Variants in NTRK2 observed in about 807,000 individuals in gnomAD.
NTRK2 encodes the protein BDNF/NT-3 growth factors receptor.
In NTRK2, 13 loss-of-function variants were observed where a neutral mutation model predicts 94.5. The ratio of observed to expected loss-of-function variants is 0.14; its 90% CI spans 0.09 to 0.22. The LOEUF (loss-of-function observed/expected upper bound fraction) is 0.22, where lower values mean the gene tolerates loss of function less well. Among genes scored for constraint, NTRK2 ranks in the 10% least tolerant of loss-of-function variants. NTRK2 has a pLI of 1.00. For missense variants in NTRK2, 639 were observed against 1,071.2 expected, an observed-to-expected ratio of 0.60 and a Z score of 5.63; for synonymous variants, 372 against 407.4, an observed-to-expected ratio of 0.91 and a Z score of 1.05.
chr9:84,829,551 C>T (rs542649814), intron 12 of NTRK2, among the ~76,000 whole-genome samples: 1 of 152,296 alleles, frequency 6.6e-6, no homozygotes, highest in Non-Finnish European at 1.5e-5. Context: ...TCCAGGCCTT[C>T]TCAGGATCTG....
Position 84,727,112 on chromosome 9 carries a change from A to G in NTRK2, c.854-542A>G, listed in dbSNP as rs77145939. On this transcript the variant is annotated intron_variant, in intron 8 of 18. Coordinates refer to ENST00000277120, the MANE Select transcript of NTRK2 (RefSeq NM_006180.6). ...TAATAAATGTTGATTTGTTATATTT[A>G]TAATAATTCATCATCAGCAGCAACA... Among the ~76,000 whole-genome samples the G allele has an allele frequency of 3.7e-3, 560 of 152,352 alleles. 1 individual carries two copies. The highest frequency in any genetic ancestry group is 0.013 in the African/African-American group (537 of 41,590).
intron 14 of NTRK2, among the ~76,000 whole-genome samples, chr9:84,917,574 G>A (rs2077432222): frequency 6.6e-6 from 1 of 152,136 alleles, no homozygotes; most frequent in Non-Finnish European, 1.5e-5. Flanking sequence ...AAGTGTTCTT[G>A]CCTAGGGAGT....
chr9:84,937,915 C>T (rs1036865029), intron 15 of NTRK2, among the ~76,000 whole-genome samples: 16 of 152,140 alleles, frequency 1.1e-4, no homozygotes, highest in African/African-American at 3.9e-4. Flanking sequence ...TTAAATATAT[C>T]CACAAGTGTG....
chr9:84,870,331 G>GTATATATATATATATATATATA (rs1158637577), intron 14 of NTRK2, among the ~76,000 whole-genome samples: 1 of 31,176 alleles, frequency 3.2e-5, no homozygotes, highest in African/African-American at 8.8e-5. Context: ...GTGTGTGTGT[G>GTATATATATATATATATATATA]TATATATATA....
At chr9:85,006,273 T>C (rs4142909) in intron 17 of NTRK2, among the ~76,000 whole-genome samples, 132,657 of 152,246 alleles carry the variant, frequency 0.87, 58,125 homozygotes, top group African/African-American at 0.96. Flanking sequence ...TACTGCACAG[T>C]ACTCTGGCCC....
At chr9:84,894,652 T>C (rs1376918077) in intron 14 of NTRK2, among the ~76,000 whole-genome samples, 1 of 152,228 alleles carries the variant, frequency 6.6e-6, no homozygotes, top group African/African-American at 2.4e-5. Context: ...CAAGCAATAG[T>C]TTGCCTACAA....
intron 17 of NTRK2, among the ~76,000 whole-genome samples, chr9:84,978,967 AC>A (rs1401322082): frequency 1.3e-5 from 2 of 152,228 alleles, no homozygotes; most frequent in Non-Finnish European, 2.9e-5. Flanking sequence ...TGCTATTGCA[AC>A]ATGCTGCCTG....
At chr9:84,916,690 G>T (rs565190668) in intron 14 of NTRK2, among the ~76,000 whole-genome samples, 1 of 152,256 alleles carries the variant, frequency 6.6e-6, no homozygotes, top group South Asian at 2.1e-4. Flanking sequence ...GTGCAGCTGA[G>T]CCTGATACTG....
At chr9:84,728,021 A>C in intron 9 of NTRK2, 62 bp downstream of exon 9, 1 of 1,487,626 alleles carries the variant, frequency 6.7e-7, no homozygotes. Context: ...CCTGTTGACA[A>C]AATCATGTAT....
In NTRK2 at chr9:84,709,961, CTGTGTGTGTGTGTG is replaced by C. The variant is rs35954183; in HGVS notation, c.429-645_429-632del. On this transcript the variant is annotated intron_variant, in intron 5 of 18. Coordinates refer to ENST00000277120, the MANE Select transcript of NTRK2 (RefSeq NM_006180.6). The stretch of plus-strand genomic sequence containing the variant: ...TGCCTTGCCCTCAGAATAGCTTGCT[CTGTGTGTGTGTGTG>C]TGTGTGTGTGTGTGTGTGTGTGTGT... Among the ~76,000 whole-genome samples, 321 of 115,350 alleles carry C rather than the reference CTGTGTGTGTGTGTG, an allele frequency of 2.8e-3. 1 individual carries two copies. The highest frequency in any genetic ancestry group is 4.2e-3 in the Non-Finnish European group (228 of 54,900). 75.7% of individuals were successfully genotyped at this position (115,350 alleles called of 152,430 possible).
At chr9:84,890,799 A>G (rs1343979911) in intron 14 of NTRK2, among the ~76,000 whole-genome samples, 1 of 152,154 alleles carries the variant, frequency 6.6e-6, no homozygotes, top group Admixed American at 6.5e-5. Context: ...AAAGAAATAC[A>G]CCTGAATCTG....
intron 17 of NTRK2, among the ~76,000 whole-genome samples, chr9:84,991,835 T>C (rs1564531365): frequency 2.0e-5 from 3 of 152,262 alleles, no homozygotes; most frequent in Non-Finnish European, 4.4e-5. Context: ...CTGGTCGAGA[T>C]GCAATGAAGC....
intron 15 of NTRK2, among the ~76,000 whole-genome samples, chr9:84,947,921 T>C (rs1221947046): frequency 6.6e-6 from 1 of 152,156 alleles, no homozygotes; most frequent in East Asian, 1.9e-4. Flanking sequence ...TGACCACTCT[T>C]CTTGCGGCTT....
intron 10 of NTRK2, among the ~76,000 whole-genome samples, chr9:84,742,414 T>G (rs2063714521): frequency 6.6e-6 from 1 of 152,220 alleles, no homozygotes; most frequent in Non-Finnish European, 1.5e-5. Flanking sequence ...CCCTTCACCC[T>G]ACTCTCTTTT....
chr9:84,850,437 A>G (rs1324085331), intron 12 of NTRK2, among the ~76,000 whole-genome samples: 2 of 152,214 alleles, frequency 1.3e-5, no homozygotes, highest in Non-Finnish European at 2.9e-5. Context: ...GTTTAACTGG[A>G]ATCTTAAGGT....
chr9:84,738,428 G>T (rs2063404194), intron 9 of NTRK2, among the ~76,000 whole-genome samples: 1 of 152,130 alleles, frequency 6.6e-6, no homozygotes, highest in Admixed American at 6.5e-5. Context: ...TGTAATGAAG[G>T]AACCATTTAG....
At chr9:84,968,220 A>G (rs771237224) in intron 17 of NTRK2, among the ~76,000 whole-genome samples, 8 of 152,134 alleles carry the variant, frequency 5.3e-5, no homozygotes, top group Non-Finnish European at 1.2e-4. Flanking sequence ...CCTGTTCTCA[A>G]ACAAAAACTC....
At chr9:84,843,470 G>A (rs2074298376) in intron 12 of NTRK2, among the ~76,000 whole-genome samples, 3 of 152,190 alleles carry the variant, frequency 2.0e-5, no homozygotes, top group Non-Finnish European at 4.4e-5. Flanking sequence ...TGAGCCAGCT[G>A]CCCACCAGCA....
chr9:84,986,577 T>C (rs368320444), intron 17 of NTRK2, among the ~76,000 whole-genome samples: 1 of 152,100 alleles, frequency 6.6e-6, no homozygotes, highest in African/African-American at 2.4e-5. Context: ...GGCCTGGGAG[T>C]TGGGGATCCC....
Sources: allele counts gnomAD v4.1 joint callset (sites outside exome capture counted in the v4.1 genomes callset), GRCh38; gene constraint gnomAD v4.1.1; transcripts MANE v1.5; gene names NCBI Gene and HGNC (gene_info 2026-07-23, HGNC 2026-07-21).